The following ADK variants were observed in gnomAD, a reference collection of about 807,000 sequenced individuals.
ADK encodes N6,N6-dimethyladenosine kinase.
In ADK, 24 loss-of-function variants were observed where a neutral mutation model predicts 44.7. That is an observed-to-expected ratio of 0.54 (90% confidence interval 0.39 to 0.76). The LOEUF (loss-of-function observed/expected upper bound fraction) is 0.76. Ranked by LOEUF, ADK falls within the 30% of genes least tolerant of loss-of-function variation. The pLI, the probability that ADK is intolerant of heterozygous loss-of-function variation, is 0.00. For synonymous variants in ADK, 128 were observed against 142.6 expected (o/e 0.90, Z 0.73); for missense variants, 321 against 425.1 (o/e 0.76, Z 2.15).
chr10:74,430,067 T>G (rs1844930048), intron 6 of ADK, among the ~76,000 whole-genome samples: 1 of 152,078 alleles, frequency 6.6e-6, no homozygotes, highest in Non-Finnish European at 1.5e-5. Context: ...GGCACGGAGG[T>G]GTTAACTTTC....
chr10:74,485,469 A>ATAAC (rs1847233420), intron 6 of ADK, among the ~76,000 whole-genome samples: 2 of 127,826 alleles, frequency 1.6e-5, no homozygotes, highest in Admixed American at 1.5e-4. Flanking sequence ...CTCAAAATAA[A>ATAAC]TAAATAAATA....
At chr10:74,548,510 C>T (rs1204331969) in intron 7 of ADK, among the ~76,000 whole-genome samples, 2 of 152,144 alleles carry the variant, frequency 1.3e-5, no homozygotes, top group Non-Finnish European at 2.9e-5. Flanking sequence ...CATACTTATA[C>T]TAAAAAATTA....
intron 3 of ADK, among the ~76,000 whole-genome samples, chr10:74,243,928 C>T (rs1327939224): frequency 6.6e-6 from 1 of 152,024 alleles, no homozygotes; most frequent in African/African-American, 2.4e-5. Context: ...TTCATTCTCT[C>T]CATTGAACTG....
intron 6 of ADK, among the ~76,000 whole-genome samples, chr10:74,415,853 C>T (rs1844350056): frequency 2.0e-5 from 3 of 151,922 alleles, no homozygotes. Context: ...TTCCTGATTA[C>T]ACAAATAATG....
At chr10:74,707,538 G>T (rs901970772) in intron 10 of ADK, among the ~76,000 whole-genome samples, 11 of 151,722 alleles carry the variant, frequency 7.3e-5, no homozygotes, top group African/African-American at 2.7e-4. Flanking sequence ...CAAGGCAGGC[G>T]GATCACCTGA....
chr10:74,586,854 CA>C (rs35038709), intron 7 of ADK, among the ~76,000 whole-genome samples: 1,894 of 106,376 alleles, frequency 0.018, 17 homozygotes, highest in Middle Eastern at 0.064. Flanking sequence ...AGCTCTGTCT[CA>C]AAAAAAAAAA....
intron 3 of ADK, among the ~76,000 whole-genome samples, chr10:74,309,505 T>TG (rs1367048661): frequency 1.3e-5 from 2 of 152,334 alleles, no homozygotes; most frequent in Admixed American, 6.5e-5. Context: ...AAATAAGCTG[T>TG]ACCTTCAGAA....
At chr10:74,297,385 C>A (rs1196671389) in intron 3 of ADK, among the ~76,000 whole-genome samples, 1 of 152,124 alleles carries the variant, frequency 6.6e-6, no homozygotes, top group African/African-American at 2.4e-5. Flanking sequence ...CATTGCCTAG[C>A]ATAGTATATT....
At chr10:74,240,924 T>G (rs1020818747) in intron 3 of ADK, among the ~76,000 whole-genome samples, 1 of 152,256 alleles carries the variant, frequency 6.6e-6, no homozygotes, top group African/African-American at 2.4e-5. Context: ...ATTGCTGATT[T>G]CAGGTTTCAC....
chr10:74,186,704 A>G (rs1031511754), intron 1 of ADK, among the ~76,000 whole-genome samples: 5 of 152,218 alleles, frequency 3.3e-5, no homozygotes, highest in Admixed American at 1.3e-4. Flanking sequence ...AGAACTTCAC[A>G]TAAATGGAAT....
At chr10:74,674,881 C>CA (rs1451062591) in intron 10 of ADK, among the ~76,000 whole-genome samples, 1 of 104,486 alleles carries the variant, frequency 9.6e-6, no homozygotes, top group African/African-American at 3.3e-5. Flanking sequence ...GACCCTGTCT[C>CA]AAAAAAATTA....
At chr10:74,176,821 G>A (rs1455792400) in intron 1 of ADK, 9 of 1,603,808 alleles carry the variant, frequency 5.6e-6, no homozygotes, top group Non-Finnish European at 7.6e-6. Context: ...TGCCCGAGCG[G>A]ACGTAGAGCA....
chr10:74,186,145 G>A (rs904483481), intron 1 of ADK, among the ~76,000 whole-genome samples: 70 of 151,822 alleles, frequency 4.6e-4, no homozygotes, highest in African/African-American at 1.6e-3. Flanking sequence ...CACTGTGCCT[G>A]GCTCTCTCAG....
At chr10:74,503,295 A>G (rs1029634728) in intron 6 of ADK, among the ~76,000 whole-genome samples, 33 of 152,348 alleles carry the variant, frequency 2.2e-4, no homozygotes, top group Admixed American at 2.0e-3. Context: ...GAAAGGATAT[A>G]GAAAGGTACA....
intron 9 of ADK, among the ~76,000 whole-genome samples, chr10:74,601,839 C>G (rs1852133318): frequency 6.6e-6 from 1 of 151,058 alleles, no homozygotes; most frequent in South Asian, 2.1e-4. Context: ...ACACCTGTAA[C>G]CCTAGCACCT....
At chr10:74,627,641 T>C (rs1367978245) in intron 9 of ADK, among the ~76,000 whole-genome samples, 1 of 151,982 alleles carries the variant, frequency 6.6e-6, no homozygotes, top group African/African-American at 2.4e-5. Context: ...TATTTTGTTT[T>C]GTTTTCTGAG....
intron 1 of ADK, among the ~76,000 whole-genome samples, chr10:74,200,553 C>T (rs376351743): frequency 6.6e-6 from 1 of 150,694 alleles, no homozygotes; most frequent in East Asian, 1.9e-4. Context: ...TTTTGATTTG[C>T]ATCTTTCTCT....
At chr10:74,376,777 C>CTT (rs35675013) in intron 4 of ADK, among the ~76,000 whole-genome samples, 45 of 135,378 alleles carry the variant, frequency 3.3e-4, no homozygotes, top group African/African-American at 4.7e-4. Flanking sequence ...TCTCTCTCGT[C>CTT]TTTTTTTTTT....
At chr10:74,320,780 A>AT (rs1840781478) in intron 4 of ADK, among the ~76,000 whole-genome samples, 1 of 152,122 alleles carries the variant, frequency 6.6e-6, no homozygotes. Flanking sequence ...GAAAACTTCA[A>AT]TTTTTACTTC....
Sources: allele counts gnomAD v4.1 joint callset (sites outside exome capture counted in the v4.1 genomes callset), GRCh38; gene constraint gnomAD v4.1.1; transcripts MANE v1.5; gene names NCBI Gene and HGNC (gene_info 2026-07-23, HGNC 2026-07-21).